IL1RAPL1: variants seen among roughly 807,000 people sequenced by gnomAD.
The protein encoded by IL1RAPL1 is interleukin-1 receptor accessory protein-like 1.
A neutral mutation model predicts 48.4 loss-of-function variants in IL1RAPL1; 3 were observed. That is an observed-to-expected ratio of 0.06 (90% CI 0.03 to 0.16). The LOEUF (loss-of-function observed/expected upper bound fraction) is 0.16, where lower values mean the gene tolerates loss of function less well. IL1RAPL1 is among the 10% of genes least tolerant of loss of function. IL1RAPL1 has a pLI of 1.00. For synonymous variants in IL1RAPL1, 185 were observed against 187.7 expected (o/e 0.99, Z 0.12); for missense variants, 349 against 530.6 (o/e 0.66, Z 3.36).
intron 1 of IL1RAPL1, among the ~76,000 whole-genome samples, chrX:28,751,686 G>A (rs866871118): frequency 8.9e-6 from 1 of 111,871 alleles, no homozygotes; most frequent in Admixed American, 9.5e-5. Flanking sequence ...GTCAGTCTTC[G>A]GTAGTTGCTG....
intron 2 of IL1RAPL1, among the ~76,000 whole-genome samples, chrX:29,136,728 G>A (rs185913242): frequency 8.9e-6 from 1 of 111,890 alleles, no homozygotes; most frequent in African/African-American, 3.2e-5. Context: ...ACTTTTACTA[G>A]TAACAACCTT....
chrX:28,893,675 A>G (rs995713038), intron 2 of IL1RAPL1, among the ~76,000 whole-genome samples: 3 of 111,713 alleles, frequency 2.7e-5, no homozygotes, highest in Non-Finnish European at 5.6e-5. Context: ...GTAGAATAGC[A>G]GATGGAACAC....
At chrX:29,655,339 G>A (rs945742676) in intron 5 of IL1RAPL1, among the ~76,000 whole-genome samples, 2 of 111,873 alleles carry the variant, frequency 1.8e-5, no homozygotes, top group Non-Finnish European at 3.8e-5. Context: ...GTGTCTAGTA[G>A]AAACCATGTT....
Position 29,925,988 on chromosome X carries a change from C to G in IL1RAPL1, c.1057+5894C>G, listed in dbSNP as rs1476135231. ...AATCCCAAGTTAGTTATTTTTTTGCCTCAACCGTGAAATGTTTTGAAGGCT... is the reference window on the plus strand; with the variant it reads ...AATCCCAAGTTAGTTATTTTTTTGCGTCAACCGTGAAATGTTTTGAAGGCT... On this transcript the variant is annotated intron_variant, in intron 8 of 10. Coordinates refer to ENST00000378993, the MANE Select transcript of IL1RAPL1 (RefSeq NM_014271.4). 5.4e-5 allele frequency among the ~76,000 whole-genome samples: 6 copies of G among 110,281 alleles called. No individual in the cohort carries two copies. The Admixed American group carries it at 5.7e-4, about 11-fold the overall frequency.
At chrX:29,210,007 A>G (rs1412092520) in intron 2 of IL1RAPL1, among the ~76,000 whole-genome samples, 1 of 112,096 alleles carries the variant, frequency 8.9e-6, no homozygotes, top group Non-Finnish European at 1.9e-5. Flanking sequence ...TTAAACTACC[A>G]GTGAATATAC....
intron 2 of IL1RAPL1, among the ~76,000 whole-genome samples, chrX:29,027,815 T>G (rs1926519174): frequency 9.0e-6 from 1 of 111,585 alleles, no homozygotes; most frequent in Admixed American, 9.6e-5. Flanking sequence ...TTCCAGAAAC[T>G]TATTTACCAT....
chrX:28,782,162 A>G (rs1016516056), intron 1 of IL1RAPL1, among the ~76,000 whole-genome samples: 3 of 111,246 alleles, frequency 2.7e-5, no homozygotes, highest in African/African-American at 9.8e-5. Flanking sequence ...ATTTGTAAGC[A>G]TTCTTTATAT....
chrX:29,927,651 C>A (rs1463423485), intron 8 of IL1RAPL1, among the ~76,000 whole-genome samples: 1 of 111,539 alleles, frequency 9.0e-6, no homozygotes, highest in Non-Finnish European at 1.9e-5. Flanking sequence ...AATGTCTCAA[C>A]GACATATATA....
At chrX:28,996,982 T>C (rs1925740183) in intron 2 of IL1RAPL1, among the ~76,000 whole-genome samples, 1 of 111,704 alleles carries the variant, frequency 9.0e-6, no homozygotes, top group African/African-American at 3.2e-5. Flanking sequence ...AATGAATGTA[T>C]TACATGAAAA....
intron 5 of IL1RAPL1, among the ~76,000 whole-genome samples, chrX:29,499,297 T>A (rs1935247099): frequency 8.9e-6 from 1 of 112,201 alleles, no homozygotes; most frequent in African/African-American, 3.2e-5. Flanking sequence ...ACCCATTTAG[T>A]CACAGATTCA....
At chrX:28,736,967 G>A (rs1935833449) in intron 1 of IL1RAPL1, among the ~76,000 whole-genome samples, 1 of 111,541 alleles carries the variant, frequency 9.0e-6, no homozygotes, top group African/African-American at 3.3e-5. Flanking sequence ...TGAAAAATGA[G>A]TGTTATGAAT....
At chrX:29,295,672 G>A (rs752453857) in intron 3 of IL1RAPL1, among the ~76,000 whole-genome samples, 1 of 111,435 alleles carries the variant, frequency 9.0e-6, no homozygotes, top group South Asian at 3.8e-4. Context: ...GGATGTATTG[G>A]CTGCCTAATT....
intron 6 of IL1RAPL1, among the ~76,000 whole-genome samples, chrX:29,829,006 G>A (rs7066054): frequency 0.025 from 2,732 of 110,783 alleles, 85 homozygotes; most frequent in African/African-American, 0.084. Context: ...ACCAAAGATG[G>A]TCTTTTATCT....
chrX:28,986,127 G>A (rs1925469066), intron 2 of IL1RAPL1, among the ~76,000 whole-genome samples: 1 of 111,460 alleles, frequency 9.0e-6, no homozygotes, highest in Non-Finnish European at 1.9e-5. Flanking sequence ...TAGATGGTGG[G>A]CTACATGAGG....
chrX:29,884,133 C>T (rs1011654160), intron 6 of IL1RAPL1, among the ~76,000 whole-genome samples: 10 of 111,818 alleles, frequency 8.9e-5, no homozygotes, highest in Non-Finnish European at 1.3e-4. Context: ...TCATGATTGA[C>T]GAGAGTAGTA....
intron 6 of IL1RAPL1, among the ~76,000 whole-genome samples, chrX:29,861,228 T>C (rs1569187711): frequency 8.9e-6 from 1 of 111,759 alleles, no homozygotes; most frequent in Non-Finnish European, 1.9e-5. Flanking sequence ...GAGAAGACTT[T>C]GTTGCCTCTT....
chrX:28,990,539 T>C (rs1407632757), intron 2 of IL1RAPL1, among the ~76,000 whole-genome samples: 1 of 111,853 alleles, frequency 8.9e-6, no homozygotes, highest in Non-Finnish European at 1.9e-5. Context: ...TCCTACTTAG[T>C]TTTTTCCTGT....
chrX:28,960,611 T>C (rs1387741683), intron 2 of IL1RAPL1, among the ~76,000 whole-genome samples: 3 of 112,101 alleles, frequency 2.7e-5, no homozygotes, highest in Middle Eastern at 4.6e-3. Flanking sequence ...CATCCTTATA[T>C]TGAAGCGGTT....
intron 2 of IL1RAPL1, among the ~76,000 whole-genome samples, chrX:29,252,426 G>T (rs925370447): frequency 8.8e-6 from 1 of 113,962 alleles, no homozygotes; most frequent in African/African-American, 3.2e-5. Flanking sequence ...TAAAAATGTT[G>T]TATGTCTGGT....
Sources: allele counts gnomAD v4.1 joint callset (sites outside exome capture counted in the v4.1 genomes callset), GRCh38; gene constraint gnomAD v4.1.1; transcripts MANE v1.5; gene names NCBI Gene and HGNC (gene_info 2026-07-23, HGNC 2026-07-21).